BCL2: variants seen among roughly 807,000 people sequenced by gnomAD.
BCL2 encodes the protein BCL2 apoptosis regulator, also known as apoptosis regulator Bcl-2.
BCL2 carries 1 observed loss-of-function variant against 14.2 expected under a neutral mutation model. That is an observed-to-expected ratio of 0.07 (90% confidence interval 0.02 to 0.33). The LOEUF is 0.33. Among genes scored for constraint, BCL2 ranks in the 10% least tolerant of loss-of-function variants. BCL2 has a pLI of 0.99. For synonymous variants in BCL2, 151 were observed against 137.2 expected (o/e 1.10, Z -0.70); for missense variants, 247 against 305.9 (o/e 0.81, Z 1.44).
At chr18:63,238,775 A>G (rs1319341714) in intron 2 of BCL2, among the ~76,000 whole-genome samples, 1 of 152,202 alleles carries the variant, frequency 6.6e-6, no homozygotes, top group Non-Finnish European at 1.5e-5. Flanking sequence ...CTTCCTACGC[A>G]GAGGGCTGGG....
intron 2 of BCL2, among the ~76,000 whole-genome samples, chr18:63,225,645 G>A (rs897603606): frequency 2.0e-5 from 3 of 152,198 alleles, no homozygotes; most frequent in Non-Finnish European, 4.4e-5. Context: ...CATGGGCGCT[G>A]GAACTTGCCA....
intron 2 of BCL2, among the ~76,000 whole-genome samples, chr18:63,147,215 C>T (rs1309754781): frequency 6.6e-6 from 1 of 152,192 alleles, no homozygotes; most frequent in African/African-American, 2.4e-5. Context: ...TTCACCTTTC[C>T]AGGCTTTGAG....
At chr18:63,262,090 T>A (rs1245536249) in intron 2 of BCL2, among the ~76,000 whole-genome samples, 1 of 149,448 alleles carries the variant, frequency 6.7e-6, no homozygotes, top group Non-Finnish European at 1.5e-5. Context: ...AATTTTTTTA[T>A]ATTTTTAGTA....
At chr18:63,169,617 G>C (rs1915176895) in intron 2 of BCL2, among the ~76,000 whole-genome samples, 2 of 151,282 alleles carry the variant, frequency 1.3e-5, no homozygotes, top group Non-Finnish European at 2.9e-5. Flanking sequence ...CCACCTCCTG[G>C]GTTCAAGCAA....
intron 2 of BCL2, among the ~76,000 whole-genome samples, chr18:63,288,996 G>A (rs928092658): frequency 6.6e-6 from 1 of 152,156 alleles, no homozygotes; most frequent in Non-Finnish European, 1.5e-5. Context: ...ATGAATGAAT[G>A]AATGAAGCTA....
intron 2 of BCL2, among the ~76,000 whole-genome samples, chr18:63,296,904 C>T (rs753355061): frequency 1.8e-4 from 28 of 152,338 alleles, no homozygotes; most frequent in Non-Finnish European, 3.4e-4. Flanking sequence ...TAGACCAGTG[C>T]TGTCCAATAG....
At chr18:63,310,833 C>G (rs1459999911) in intron 2 of BCL2, among the ~76,000 whole-genome samples, 1 of 152,174 alleles carries the variant, frequency 6.6e-6, no homozygotes, top group Admixed American at 6.5e-5. Context: ...TATACTATCA[C>G]TTTAATGTTT....
intron 2 of BCL2, among the ~76,000 whole-genome samples, chr18:63,143,945 A>G (rs945578296): frequency 6.6e-6 from 1 of 152,208 alleles, no homozygotes; most frequent in African/African-American, 2.4e-5. Context: ...CATCATGCTC[A>G]TCACCCAAAT....
At chr18:63,301,693 C>T (rs565347688) in intron 2 of BCL2, among the ~76,000 whole-genome samples, 2 of 152,312 alleles carry the variant, frequency 1.3e-5, no homozygotes, top group African/African-American at 4.8e-5. Context: ...ACAGGCACTC[C>T]GAGCTTCTTG....
intron 2 of BCL2, chr18:63,302,404 G>A (rs1047011981): frequency 2.4e-5 from 24 of 985,202 alleles, no homozygotes; most frequent in South Asian, 1.4e-4. Flanking sequence ...GGAGCCTGAT[G>A]GTGAACTCTG....
chr18:63,283,128 T>G (rs1912362105), intron 2 of BCL2, among the ~76,000 whole-genome samples: 1 of 152,178 alleles, frequency 6.6e-6, no homozygotes. Context: ...TTTTGAAAAA[T>G]TTCTAGTTAT....
At chr18:63,134,223 A>G (rs1179144519) in intron 2 of BCL2, among the ~76,000 whole-genome samples, 1 of 152,206 alleles carries the variant, frequency 6.6e-6, no homozygotes, top group Non-Finnish European at 1.5e-5. Context: ...CAATACAAAC[A>G]TGTATATTAC....
At chr18:63,241,757 G>A (rs923584318) in intron 2 of BCL2, among the ~76,000 whole-genome samples, 2 of 152,176 alleles carry the variant, frequency 1.3e-5, no homozygotes, top group South Asian at 4.1e-4. Context: ...GAGTAACTAC[G>A]AGAATCTGAT....
In BCL2 at chr18:63,128,250, GA is replaced by G. The variant is rs1913964918; in HGVS notation, c.*374del. On this transcript the variant is annotated 3_prime_UTR_variant, in exon 3 of 3. Transcript: ENST00000333681. ...AGATGGTGATCCGGCCAACAACATG[GA>G]AAGCGAATCTATGTTTACAGGCACA... 4.2e-6 allele frequency: 1 copy of G among 237,470 alleles called. No homozygotes were observed. The highest frequency in any genetic ancestry group is 2.2e-5 in the African/African-American group (1 of 45,396). 14.7% of individuals were successfully genotyped at this position (237,470 alleles called of 1,614,324 possible). A position where few individuals can be genotyped will look rare whatever the true frequency, so the allele number is the denominator to read the frequency against.
chr18:63,213,319 T>C (rs1408301693), intron 2 of BCL2, among the ~76,000 whole-genome samples: 2 of 152,194 alleles, frequency 1.3e-5, no homozygotes, highest in Non-Finnish European at 2.9e-5. Flanking sequence ...ATATGATTTG[T>C]GTCAAAATCG....
At chr18:63,289,956 G>C (rs1912599582) in intron 2 of BCL2, among the ~76,000 whole-genome samples, 1 of 152,170 alleles carries the variant, frequency 6.6e-6, no homozygotes, top group African/African-American at 2.4e-5. Flanking sequence ...ATAAACTGGA[G>C]TGCGGAGAAA....
At chr18:63,232,419 A>G (rs144236077) in intron 2 of BCL2, among the ~76,000 whole-genome samples, 2,143 of 152,280 alleles carry the variant, frequency 0.014, 25 homozygotes, top group Non-Finnish European at 0.021. Context: ...TTTAGTGAAC[A>G]CTTAGTACTC....
At chr18:63,263,135 C>T (rs552962038) in intron 2 of BCL2, among the ~76,000 whole-genome samples, 3 of 152,212 alleles carry the variant, frequency 2.0e-5, no homozygotes, top group South Asian at 2.1e-4. Flanking sequence ...CGAGGGTGGA[C>T]GGTGAGCTGA....
At chr18:63,271,183 A>T (rs1366845470) in intron 2 of BCL2, among the ~76,000 whole-genome samples, 1 of 152,184 alleles carries the variant, frequency 6.6e-6, no homozygotes, top group Non-Finnish European at 1.5e-5. Context: ...TTTAAAGCAA[A>T]AGAGATATAT....
Sources: gnomAD v4.1 joint callset for allele counts (sites outside exome capture counted in the v4.1 genomes callset) on GRCh38, gnomAD v4.1.1 for gene constraint, MANE v1.5 for transcripts, NCBI Gene and HGNC (gene_info 2026-07-23, HGNC 2026-07-21) for gene names.